M1AP: variants seen among roughly 807,000 people sequenced by gnomAD.
M1AP encodes meiosis 1 associated protein.
In M1AP, 39 loss-of-function variants were observed where a neutral mutation model predicts 51.2. The ratio of observed to expected loss-of-function variants is 0.76; its 90% CI spans 0.59 to 1.00. The LOEUF (loss-of-function observed/expected upper bound fraction) is 1.00, where lower values mean the gene tolerates loss of function less well. Among genes scored for constraint, M1AP ranks in the 50% least tolerant of loss-of-function variants. The probability of loss-of-function intolerance (pLI) is 0.00; values close to 1 mark genes in which losing one functional copy is unlikely to be tolerated. For synonymous variants in M1AP, 251 were observed against 249.2 expected, an observed-to-expected ratio of 1.01 and a Z score of -0.07; for missense variants, 545 against 641.2, an observed-to-expected ratio of 0.85 and a Z score of 1.62.
At chr2:74,574,537 C>G (rs1264205127) in intron 7 of M1AP, among the ~76,000 whole-genome samples, 1 of 152,204 alleles carries the variant, frequency 6.6e-6, no homozygotes. Flanking sequence ...CAATACCCTC[C>G]TAGCTCATTT....
chr2:74,630,941 C>A (rs568208158), intron 2 of M1AP, among the ~76,000 whole-genome samples: 5 of 152,326 alleles, frequency 3.3e-5, no homozygotes, highest in African/African-American at 1.2e-4. Context: ...CATTAAAGTG[C>A]CATTGTGCCA....
At chr2:74,615,996 C>A (rs1681647662) in intron 2 of M1AP, among the ~76,000 whole-genome samples, 1 of 152,120 alleles carries the variant, frequency 6.6e-6, no homozygotes, top group Admixed American at 6.6e-5. Context: ...TGTAAACCTG[C>A]CAGAATACAA....
chr2:74,562,561 G>C (rs1012373750), intron 7 of M1AP, 138 bp from the exon 8 acceptor site: 4 of 787,906 alleles, frequency 5.1e-6, no homozygotes, highest in Non-Finnish European at 8.2e-6. Context: ...CTGGTAGGGA[G>C]GGACTTCCTG....
At chr2:74,615,282 C>G in intron 2 of M1AP, 133 bp from the exon 3 acceptor site, 1 of 770,618 alleles carries the variant, frequency 1.3e-6, no homozygotes, top group Non-Finnish European at 2.1e-6. Context: ...CCAACATCTA[C>G]TGAATTCCTA....
chr2:74,586,749 C>A (rs1679730409), intron 4 of M1AP, among the ~76,000 whole-genome samples: 1 of 152,030 alleles, frequency 6.6e-6, no homozygotes, highest in African/African-American at 2.4e-5. Flanking sequence ...GCCTGTAATC[C>A]CAGCACTTTG....
chr2:74,581,351 A>G (rs1679397390), intron 5 of M1AP, among the ~76,000 whole-genome samples: 1 of 152,204 alleles, frequency 6.6e-6, no homozygotes, highest in East Asian at 1.9e-4. Flanking sequence ...TATTTACCAC[A>G]TTAAAAATGA....
intron 5 of M1AP, 115 bp from the exon 6 acceptor site, chr2:74,576,733 C>A: frequency 7.6e-7 from 1 of 1,321,652 alleles, no homozygotes; most frequent in African/African-American, 1.5e-5. Flanking sequence ...CATTCCATCT[C>A]TACCAGGCAA....
At chr2:74,611,237 GT>G (rs546492227) in intron 3 of M1AP, among the ~76,000 whole-genome samples, 97 of 152,326 alleles carry the variant, frequency 6.4e-4, no homozygotes, top group African/African-American at 2.2e-3. Flanking sequence ...TTGTAGAGTA[GT>G]TAAGAAGAAT....
intron 2 of M1AP, among the ~76,000 whole-genome samples, chr2:74,636,530 T>C (rs1682999676): frequency 6.6e-6 from 1 of 152,146 alleles, no homozygotes; most frequent in South Asian, 2.1e-4. Context: ...TTTCTTTGTT[T>C]TCTTTTACAT....
At chr2:74,609,959 G>C (rs1435162521) in intron 3 of M1AP, among the ~76,000 whole-genome samples, 1 of 151,792 alleles carries the variant, frequency 6.6e-6, no homozygotes, top group Non-Finnish European at 1.5e-5. Context: ...CAGATGCATA[G>C]TTTACAAATA....
At chr2:74,620,757 C>T (rs906170288) in intron 2 of M1AP, 28 of 212,554 alleles carry the variant, frequency 1.3e-4, no homozygotes, top group Admixed American at 9.5e-4. Flanking sequence ...ACTCTTCAGG[C>T]CTTTTGAGTG....
Position 74,560,068 on chromosome 2 carries a change from G to C in M1AP, c.1422+83C>G, listed in dbSNP as rs183672752. On this transcript the variant is annotated intron_variant, in intron 9 of 10. Coordinates refer to ENST00000421985, the MANE Select transcript of M1AP (RefSeq NM_001321739.2). ...CCTTGGATGGGGGCGGTGTTGGGAT[G>C]GGGGAGGAGGGTTTTCTAGGACTCT... 2.0e-4 allele frequency: 292 copies of C among 1,468,956 alleles called. 4 individuals are homozygous for C. In the Admixed American group the frequency reaches 5.5e-3, roughly 28 times the overall value. The allele number at this position is 1,468,956 out of a possible 1,614,324, so 91.0% of individuals were successfully genotyped here.
intron 7 of M1AP, among the ~76,000 whole-genome samples, chr2:74,564,291 G>A (rs1279718786): frequency 1.3e-5 from 2 of 152,200 alleles, no homozygotes; most frequent in African/African-American, 4.8e-5. Flanking sequence ...ATTCTGTGCA[G>A]TGCGGAGCTC....
chr2:74,643,602 T>TG (rs903956253), intron 1 of M1AP, among the ~76,000 whole-genome samples: 1 of 151,082 alleles, frequency 6.6e-6, no homozygotes, highest in Non-Finnish European at 1.5e-5. Flanking sequence ...TTTTTTTTTT[T>TG]TTTTTTGAGA....
intron 2 of M1AP, among the ~76,000 whole-genome samples, chr2:74,633,989 A>T (rs1407309639): frequency 6.6e-6 from 1 of 152,202 alleles, no homozygotes; most frequent in African/African-American, 2.4e-5. Context: ...ATAAATACTC[A>T]ATTAAAAAGG....
At chr2:74,622,222 T>G (rs1682092031) in intron 2 of M1AP, among the ~76,000 whole-genome samples, 1 of 152,126 alleles carries the variant, frequency 6.6e-6, no homozygotes, top group South Asian at 2.1e-4. Flanking sequence ...AATATTAAAA[T>G]TTGTTTTGCC....
chr2:74,580,807 G>A (rs1679360784), intron 5 of M1AP, among the ~76,000 whole-genome samples: 1 of 152,128 alleles, frequency 6.6e-6, no homozygotes, highest in Admixed American at 6.6e-5. Flanking sequence ...ACCACTACCA[G>A]TATTCTGTTC....
intron 3 of M1AP, among the ~76,000 whole-genome samples, chr2:74,611,353 TACTC>T (rs1218094149): frequency 6.6e-6 from 1 of 152,230 alleles, no homozygotes; most frequent in Non-Finnish European, 1.5e-5. Context: ...TCAATCTCAT[TACTC>T]ACTGTTGGTC....
Position 74,576,630 on chromosome 2 carries a change from G to T in M1AP, c.770-12C>A. ...ACATTTCAGACACACTACAATAAAA[G>T]GAGATTACATTTCAGACACACTACA... is the stretch of plus-strand genomic sequence containing the variant. On this transcript the variant is annotated splice_polypyrimidine_tract_variant and intron_variant, in intron 5 of 10. Transcript: ENST00000421985. The T allele has an allele frequency of 6.2e-7, 1 of 1,613,528 alleles. No individual in the cohort carries two copies. The highest frequency in any genetic ancestry group is 8.5e-7 in the Non-Finnish European group (1 of 1,179,562).
Sources: gnomAD v4.1 joint callset for allele counts (sites outside exome capture counted in the v4.1 genomes callset) on GRCh38, gnomAD v4.1.1 for gene constraint, MANE v1.5 for transcripts, NCBI Gene and HGNC (gene_info 2026-07-23, HGNC 2026-07-21) for gene names.